ADORA2B: variants seen among roughly 807,000 people sequenced by gnomAD.
ADORA2B encodes the protein adenosine A2b receptor.
A neutral mutation model predicts 20.8 loss-of-function variants in ADORA2B; 18 were observed. That is an observed-to-expected ratio of 0.87 (90% CI 0.60 to 1.29). The LOEUF is 1.29. Among genes scored for constraint, ADORA2B ranks in the 50% most tolerant of loss-of-function variants. ADORA2B has a pLI of 0.00. For synonymous variants in ADORA2B, 179 were observed against 178.3 expected, an observed-to-expected ratio of 1.00 and a Z score of -0.03; for missense variants, 441 against 422.7, an observed-to-expected ratio of 1.04 and a Z score of -0.38.
chr17:15,892,747 TGAA>T, the ADORA2B span, among the ~76,000 whole-genome samples: 27 of 151,204 alleles, frequency 1.8e-4, no homozygotes, highest in African/African-American at 6.3e-4. Context: ...TCGGCAAAGG[TGAA>T]GAAGTACTGG....
At chr17:15,875,936 A>C in the ADORA2B span, among the ~76,000 whole-genome samples, 2 of 152,188 alleles carry the variant, frequency 1.3e-5, no homozygotes, top group South Asian at 4.1e-4. Context: ...TCTTTGTGAG[A>C]TATCCCCACA....
the ADORA2B span, among the ~76,000 whole-genome samples, chr17:15,905,729 C>G: frequency 1.5e-4 from 23 of 151,926 alleles, no homozygotes; most frequent in African/African-American, 5.3e-4. Context: ...GATCTCAGCT[C>G]ACCACAACCT....
At chr17:15,962,609 G>A (rs547924480) in intron 1 of ADORA2B, among the ~76,000 whole-genome samples, 2 of 152,032 alleles carry the variant, frequency 1.3e-5, no homozygotes, top group African/African-American at 2.4e-5. Flanking sequence ...TCAGCTCACC[G>A]CAACCTCTGC....
chr17:15,893,288 G>T, the ADORA2B span, among the ~76,000 whole-genome samples: 126 of 152,234 alleles, frequency 8.3e-4, no homozygotes, highest in Non-Finnish European at 1.1e-3. Context: ...TATCTCTAAG[G>T]TATTTATATC....
chr17:15,896,047 AAGAG>A, the ADORA2B span, among the ~76,000 whole-genome samples: 3 of 152,140 alleles, frequency 2.0e-5, no homozygotes, highest in Admixed American at 6.5e-5. Flanking sequence ...CAGAGAGAAA[AAGAG>A]AGAAAGTCTC....
intron 1 of ADORA2B, among the ~76,000 whole-genome samples, chr17:15,955,943 C>T (rs112574695): frequency 0.015 from 2,250 of 152,152 alleles, 49 homozygotes; most frequent in African/African-American, 0.052. Context: ...TGGTGTCGAA[C>T]TCCTGACCTC....
In ADORA2B at chr17:15,975,238, TAC is replaced by T. The variant is rs1567786007; in HGVS notation, c.898_899del (p.Thr300PhefsTer35). 3 of 1,613,868 alleles carry T rather than the reference TAC, an allele frequency of 1.9e-6. No homozygotes were observed. In the Admixed American group the frequency reaches 5.0e-5, roughly 27 times the overall value. ...VYAYRNRDFRYTFHKIISRYL... is the reference protein window; with the variant it reads ...VYAYRNRDFRXTFHKIISRYL... ...TGCTTACCGGAACCGAGACTTCCGCTACACTTTTCACAAAATTATCTCCAGGT... is the reference window on the plus strand; with the variant it reads ...TGCTTACCGGAACCGAGACTTCCGCTACTTTTCACAAAATTATCTCCAGGT... On this transcript the variant is annotated frameshift_variant, in exon 2 of 2. Transcript: ENST00000304222. LOFTEE classifies it high-confidence loss of function.
At chr17:15,900,382 A>G in the ADORA2B span, among the ~76,000 whole-genome samples, 1 of 152,166 alleles carries the variant, frequency 6.6e-6, no homozygotes, top group Non-Finnish European at 1.5e-5. Context: ...CCAACAGGGT[A>G]TAAGCATTCC....
chr17:15,873,025 G>A, the ADORA2B span, among the ~76,000 whole-genome samples: 2 of 152,080 alleles, frequency 1.3e-5, no homozygotes, highest in Admixed American at 6.5e-5. Flanking sequence ...TCAGTATTAC[G>A]CTGGTTGTGG....
the ADORA2B span, among the ~76,000 whole-genome samples, chr17:15,877,083 A>T: frequency 2.0e-5 from 3 of 152,248 alleles, no homozygotes. Context: ...TCAGAATTTC[A>T]TTTCTTTTTA....
the ADORA2B span, among the ~76,000 whole-genome samples, chr17:15,905,261 G>A: frequency 1.9e-4 from 28 of 145,720 alleles, no homozygotes; most frequent in African/African-American, 6.7e-4. Flanking sequence ...GTTAGATTTA[G>A]ACCTTAGTTG....
At chr17:15,961,328 G>A (rs1285148576) in intron 1 of ADORA2B, among the ~76,000 whole-genome samples, 1 of 151,942 alleles carries the variant, frequency 6.6e-6, no homozygotes, top group Non-Finnish European at 1.5e-5. Flanking sequence ...TTTGCCAAAT[G>A]TCCCTCAATT....
chr17:15,924,143 C>T, the ADORA2B span, among the ~76,000 whole-genome samples: 1 of 152,100 alleles, frequency 6.6e-6, no homozygotes, highest in Non-Finnish European at 1.5e-5. Flanking sequence ...GATCTCCTGA[C>T]CTCAGGTGAT....
chr17:15,917,689 A>C, the ADORA2B span, among the ~76,000 whole-genome samples: 1 of 152,200 alleles, frequency 6.6e-6, no homozygotes, highest in African/African-American at 2.4e-5. Context: ...CGCGCCGGTG[A>C]CGGGGGCTCT....
the ADORA2B span, among the ~76,000 whole-genome samples, chr17:15,867,779 C>G: frequency 1.3e-5 from 2 of 150,800 alleles, no homozygotes; most frequent in Non-Finnish European, 3.0e-5. Context: ...GGCCAGCCGC[C>G]CCGTCCGGGA....
At chr17:15,866,541 T>C in the ADORA2B span, among the ~76,000 whole-genome samples, 2 of 150,994 alleles carry the variant, frequency 1.3e-5, no homozygotes, top group African/African-American at 4.8e-5. Flanking sequence ...ATATGAACTT[T>C]TGTCCATTTT....
At chr17:15,929,702 C>T in the ADORA2B span, among the ~76,000 whole-genome samples, 1 of 152,202 alleles carries the variant, frequency 6.6e-6, no homozygotes, top group Non-Finnish European at 1.5e-5. Context: ...GAAAGAAATT[C>T]TGACAACAGT....
chr17:15,894,677 ATTGG>A, the ADORA2B span, among the ~76,000 whole-genome samples: 1 of 152,156 alleles, frequency 6.6e-6, no homozygotes, highest in East Asian at 1.9e-4. Context: ...TTAGTGACAG[ATTGG>A]TTGTAGGGGA....
At chr17:15,884,988 A>G in the ADORA2B span, among the ~76,000 whole-genome samples, 4 of 152,164 alleles carry the variant, frequency 2.6e-5, no homozygotes, top group African/African-American at 7.2e-5. Flanking sequence ...TCTTTGAGGA[A>G]TTGCCACACT....
Sources: gnomAD v4.1 joint callset for allele counts (sites outside exome capture counted in the v4.1 genomes callset) on GRCh38, gnomAD v4.1.1 for gene constraint, MANE v1.5 for transcripts, NCBI Gene and HGNC (gene_info 2026-07-23, HGNC 2026-07-21) for gene names.